The following SSH2 variants were observed in gnomAD, a reference collection of about 807,000 sequenced individuals.
SSH2 encodes slingshot protein phosphatase 2, also known as protein phosphatase Slingshot homolog 2.
A neutral mutation model predicts 135.2 loss-of-function variants in SSH2; 37 were observed. The ratio of observed to expected loss-of-function variants is 0.27; its 90% CI spans 0.21 to 0.36. The LOEUF (loss-of-function observed/expected upper bound fraction) is 0.36. SSH2 is among the 10% of genes least tolerant of loss of function. The probability of loss-of-function intolerance (pLI) is 1.00; values close to 1 mark genes in which losing one functional copy is unlikely to be tolerated. For missense variants in SSH2, 1,408 were observed against 1,765.3 expected (o/e 0.80, Z 3.63); for synonymous variants, 628 against 646.2 (o/e 0.97, Z 0.43).
intron 3 of SSH2, among the ~76,000 whole-genome samples, chr17:29,739,545 T>C (rs2040487324): frequency 6.6e-6 from 1 of 152,224 alleles, no homozygotes; most frequent in Admixed American, 6.5e-5. Flanking sequence ...TGAATCAGGC[T>C]GAAGATTACG....
At chr17:29,869,761 T>G (rs2065909678) in intron 1 of SSH2, among the ~76,000 whole-genome samples, 1 of 152,158 alleles carries the variant, frequency 6.6e-6, no homozygotes, top group South Asian at 2.1e-4. Flanking sequence ...GACAACGGCT[T>G]TTTCTCATAA....
At chr17:29,929,196 A>G (rs1338876730) in intron 1 of SSH2, 1 of 152,172 alleles carries the variant, frequency 6.6e-6, no homozygotes, top group Admixed American at 6.5e-5. Flanking sequence ...TGAGGTAACG[A>G]GCCATACAAA....
chr17:29,694,388 G>A (rs182379385), intron 5 of SSH2, among the ~76,000 whole-genome samples: 80 of 152,120 alleles, frequency 5.3e-4, no homozygotes, highest in Middle Eastern at 3.4e-3. Context: ...AAGACAATAG[G>A]GGCTGGGCAC....
At chr17:29,908,763 GAAAAAAAAA>G (rs60242323) in intron 1 of SSH2, among the ~76,000 whole-genome samples, 14 of 50,880 alleles carry the variant, frequency 2.8e-4, no homozygotes, top group African/African-American at 1.3e-3. Context: ...GACTCCATCT[GAAAAAAAAA>G]AAAAAAAAAA....
rs1486794566 is a variant in SSH2 at position 29,627,319 on chromosome 17, C to T, written c.*3522G>A. ...CTCTCACAAAAACATTTTTACCAAA[C>T]ATGCCTAGATCACTTCAGAACTGAA... On this transcript the variant is annotated 3_prime_UTR_variant, in exon 16 of 16. Transcript: ENST00000540801. 1 of 152,634 alleles carries T rather than the reference C, an allele frequency of 6.6e-6. No homozygotes were observed. Among genetic ancestry groups the T allele is most frequent in the Non-Finnish European group, 1.5e-5 (1 of 68,050 alleles). 9.5% of individuals were successfully genotyped at this position (152,634 alleles called of 1,614,324 possible). A position where few individuals can be genotyped will look rare whatever the true frequency, so the allele number is the denominator to read the frequency against.
intron 1 of SSH2, among the ~76,000 whole-genome samples, chr17:29,916,461 T>G (rs997537580): frequency 2.0e-5 from 3 of 151,794 alleles, no homozygotes; most frequent in African/African-American, 7.3e-5. Context: ...AAGATTTTTT[T>G]TTTCTTTCTT....
intron 1 of SSH2, among the ~76,000 whole-genome samples, chr17:29,901,046 G>T (rs1230478526): frequency 6.6e-6 from 1 of 151,890 alleles, no homozygotes; most frequent in South Asian, 2.1e-4. Context: ...ACCAAACACC[G>T]CATGTTCTCA....
intron 1 of SSH2, among the ~76,000 whole-genome samples, chr17:29,872,793 C>A (rs917039758): frequency 1.3e-5 from 2 of 151,932 alleles, no homozygotes; most frequent in South Asian, 4.2e-4. Context: ...TCCAAGAGTT[C>A]GAGACCAGCC....
chr17:29,658,265 G>C (rs1320734465), intron 11 of SSH2, among the ~76,000 whole-genome samples: 2 of 152,002 alleles, frequency 1.3e-5, no homozygotes, highest in Non-Finnish European at 2.9e-5. Context: ...GCCTCCCAAA[G>C]TGCTGGGATT....
rs757969044 is a variant in SSH2 at position 29,632,189 on chromosome 17, T to C, written c.3005A>G (p.Asp1002Gly). The change falls in exon 16 of 16, where the codon GAT (aspartate) becomes GGT (glycine). Residue 1002 changes from aspartate (D) to glycine (G), a missense_variant. Physicochemically the swap from Asp to Gly is moderately conservative, Grantham distance 94 (BLOSUM62 -1). Around this residue, in one of 3 missense-constraint regions of SSH2, gnomAD observed 1,080 missense variants for 1,144.5 expected, o/e 0.94. Coordinates refer to ENST00000540801, the MANE Select transcript of SSH2 (RefSeq NM_001282129.2). Reference sequence around the variant, plus strand: ...GACTCCTTCCTGCTGTGTTCCAGTATCTGACCCTGGGCCCTCCTGAGGATC... The same window carrying C: ...GACTCCTTCCTGCTGTGTTCCAGTACCTGACCCTGGGCCCTCCTGAGGATC... The part of the protein sequence containing the change: ...LPDPQEGPGS[D>G]TGTQQEGVLK... The C allele has an allele frequency of 4.2e-5, 68 of 1,614,034 alleles. No homozygotes were observed. The highest frequency in any genetic ancestry group is 5.8e-5 in the Non-Finnish European group (68 of 1,179,984).
intron 1 of SSH2, among the ~76,000 whole-genome samples, chr17:29,881,261 T>C (rs2066132594): frequency 1.3e-5 from 2 of 152,320 alleles, no homozygotes; most frequent in African/African-American, 2.4e-5. Flanking sequence ...TCTATACATA[T>C]GTGAAGTATT....
intron 3 of SSH2, among the ~76,000 whole-genome samples, chr17:29,735,562 T>C (rs997415310): frequency 8.6e-5 from 13 of 151,558 alleles, no homozygotes; most frequent in Non-Finnish European, 2.9e-5. Flanking sequence ...CTGGGCATGG[T>C]GGTGCATGCC....
intron 2 of SSH2, among the ~76,000 whole-genome samples, chr17:29,813,019 C>T (rs1463512376): frequency 6.6e-6 from 1 of 151,998 alleles, no homozygotes; most frequent in Non-Finnish European, 1.5e-5. Context: ...AAGATTTTCA[C>T]CGTATATAAA....
At chr17:29,695,022 A>G (rs2038668707) in intron 5 of SSH2, among the ~76,000 whole-genome samples, 1 of 152,176 alleles carries the variant, frequency 6.6e-6, no homozygotes, top group Non-Finnish European at 1.5e-5. Context: ...TGATTAGTAA[A>G]GACCTAAGTC....
At chr17:29,714,095 A>G (rs1464835778) in intron 3 of SSH2, among the ~76,000 whole-genome samples, 3 of 152,178 alleles carry the variant, frequency 2.0e-5, no homozygotes, top group Non-Finnish European at 2.9e-5. Context: ...TTCTAGATGT[A>G]AATACTTTTT....
chr17:29,895,199 T>C (rs550034394), intron 1 of SSH2, among the ~76,000 whole-genome samples: 3 of 143,618 alleles, frequency 2.1e-5, no homozygotes, highest in African/African-American at 7.6e-5. Flanking sequence ...ATATACATTA[T>C]ATTATATATT....
At chr17:29,798,520 T>C (rs1057418189) in intron 2 of SSH2, among the ~76,000 whole-genome samples, 5 of 152,226 alleles carry the variant, frequency 3.3e-5, no homozygotes, top group South Asian at 2.1e-4. Context: ...TTTGGCATAT[T>C]TGAATTTTTA....
In SSH2 at chr17:29,738,564, T is replaced by TA. The variant is rs1233099148; in HGVS notation, c.189-35503_189-35502insT. ...TTTTCTTTTTTATTTTATTTTATTT[T>TA]TTTTTTTGAGACGGAGTCTCGCTCT... On this transcript the variant is annotated intron_variant, in intron 3 of 15. Coordinates refer to ENST00000540801, the MANE Select transcript of SSH2 (RefSeq NM_001282129.2). Among the ~76,000 whole-genome samples, 1,118 of 150,864 alleles carry TA rather than the reference T, an allele frequency of 7.4e-3. 13 individuals are homozygous for TA. The highest frequency in any genetic ancestry group is 0.022 in the African/African-American group (917 of 41,276).
At chr17:29,740,173 G>C (rs1002999760) in intron 3 of SSH2, among the ~76,000 whole-genome samples, 7 of 152,184 alleles carry the variant, frequency 4.6e-5, no homozygotes, top group African/African-American at 1.7e-4. Flanking sequence ...GTGAACAAAG[G>C]CTTGCTATGT....
Sources: gnomAD v4.1 joint callset for allele counts (sites outside exome capture counted in the v4.1 genomes callset) on GRCh38, gnomAD v4.1.1 for gene constraint, gnomAD v4.1.1 regional missense constraint, MANE v1.5 for transcripts, NCBI Gene and HGNC (gene_info 2026-07-23, HGNC 2026-07-21) for gene names.